Variants in UNC13B observed in about 807,000 individuals in gnomAD.
UNC13B encodes protein unc-13 homolog B.
In UNC13B, 144 loss-of-function variants were observed where a neutral mutation model predicts 211.0. That is an observed-to-expected ratio of 0.68 (90% CI 0.60 to 0.78). The LOEUF is 0.78. Among genes scored for constraint, UNC13B ranks in the 30% least tolerant of loss-of-function variants. The pLI is 0.00. For missense variants in UNC13B, 1,777 were observed against 2,002.0 expected (o/e 0.89, Z 2.14); for synonymous variants, 709 against 725.8 (o/e 0.98, Z 0.37).
intron 1 of UNC13B, among the ~76,000 whole-genome samples, chr9:35,199,658 A>G (rs1001113101): frequency 5.3e-5 from 8 of 152,144 alleles, no homozygotes; most frequent in African/African-American, 1.9e-4. Flanking sequence ...GTGTCTGTTC[A>G]TATCCTTTGC....
intron 11 of UNC13B, among the ~76,000 whole-genome samples, chr9:35,329,223 A>G (rs10972433): frequency 0.046 from 6,984 of 152,210 alleles, 389 homozygotes; most frequent in East Asian, 0.3. Context: ...GGGGTTGGAT[A>G]CCTAACCCCA....
chr9:35,394,052 A>G (rs1007714311), intron 26 of UNC13B, among the ~76,000 whole-genome samples: 5 of 152,170 alleles, frequency 3.3e-5, no homozygotes, highest in South Asian at 2.1e-4. Context: ...GATGGGGGTA[A>G]TGAGACCTAG....
chr9:35,372,124 T>C (rs1272070125), intron 13 of UNC13B, among the ~76,000 whole-genome samples: 2 of 152,120 alleles, frequency 1.3e-5, no homozygotes, highest in Non-Finnish European at 2.9e-5. Context: ...ACAAAAAAAT[T>C]AGCCAGCCGT....
In UNC13B at chr9:35,377,933, G is replaced by A. The variant is rs1220269790; in HGVS notation, c.10063+238G>A. Among the ~76,000 whole-genome samples, 4 of 151,902 alleles carry A rather than the reference G, an allele frequency of 2.6e-5. No homozygotes were observed. In the South Asian group the frequency reaches 8.3e-4, roughly 32 times the overall value. Reference sequence around the variant, plus strand: ...TACAAGGATTTGCTAACAACCTAACGCTGTAGACTTGGCTAACAGTTTGAT... The same window carrying A: ...TACAAGGATTTGCTAACAACCTAACACTGTAGACTTGGCTAACAGTTTGAT... On this transcript the variant is annotated intron_variant, in intron 16 of 39. Transcript: ENST00000635942.
At chr9:35,187,756 AGGT>A (rs989338316) in intron 1 of UNC13B, among the ~76,000 whole-genome samples, 1 of 152,138 alleles carries the variant, frequency 6.6e-6, no homozygotes, top group African/African-American at 2.4e-5. Flanking sequence ...CCTCCTCTTA[AGGT>A]CCCAAGATAA....
chr9:35,208,345 A>G (rs1459502184), intron 1 of UNC13B, among the ~76,000 whole-genome samples: 1 of 152,182 alleles, frequency 6.6e-6, no homozygotes, highest in East Asian at 1.9e-4. Flanking sequence ...ATATAATAAA[A>G]TGCAATTAGG....
intron 1 of UNC13B, among the ~76,000 whole-genome samples, chr9:35,170,768 T>A (rs956416884): frequency 1.3e-5 from 2 of 151,876 alleles, no homozygotes; most frequent in African/African-American, 4.8e-5. Context: ...CACTGTGCAT[T>A]TAAAGCAAGA....
chr9:35,303,962 G>A lies in UNC13B; in HGVS notation c.4558G>A (p.Val1520Met). ...ATGGTTGTCATGTCTTGAACATGGA[G>A]TGTGGTGGCCATCAGAGGATGGGGA... ...QEWLSCLEHG[V>M]WWPSEDGDYG... The change falls in exon 9 of 40, where the codon GTG (valine) becomes ATG (methionine). Residue 1520 changes from valine (V) to methionine (M), a missense_variant. Physicochemically the swap from Val to Met is conservative, Grantham distance 21. Transcript: ENST00000635942. 2.5e-6 allele frequency: 1 copy of A among 398,788 alleles called. No individual in the cohort carries two copies. The highest frequency in any genetic ancestry group is 4.4e-6 in the Non-Finnish European group (1 of 225,864). 24.7% of individuals were successfully genotyped at this position (398,788 alleles called of 1,614,324 possible).
intron 13 of UNC13B, 139 bp from the exon 14 acceptor site, chr9:35,374,988 C>T (rs948166663): frequency 5.2e-5 from 43 of 831,212 alleles, no homozygotes; most frequent in Non-Finnish European, 8.4e-5. Context: ...CCTGTTAGGG[C>T]GGTTGCTGTG....
In UNC13B at chr9:35,302,720, T is replaced by C. The variant is rs1311954533; in HGVS notation, c.3316T>C (p.Ser1106Pro). The C allele has an allele frequency of 7.5e-6, 3 of 398,514 alleles. No homozygotes were observed. The highest frequency in any genetic ancestry group is 1.3e-5 in the Non-Finnish European group (3 of 225,748). The allele number at this position is 398,514 out of a possible 1,614,324, so 24.7% of individuals were successfully genotyped here. ...AGATAAGAATCTTATACAAGCAGCA[T>C]CTTCAGTAGCATCAGACTCTTCATT... ...GEDKNLIQAA[S>P]SVASDSSLEC... Residue 1106 changes from serine to proline, a missense_variant, in exon 9 of 40, where the codon TCT becomes CCT. Coordinates refer to ENST00000635942, the MANE Select transcript of UNC13B (RefSeq NM_001371189.2).
intron 1 of UNC13B, among the ~76,000 whole-genome samples, chr9:35,197,318 CCA>C (rs756112918): frequency 6.6e-6 from 1 of 152,092 alleles, no homozygotes; most frequent in Non-Finnish European, 1.5e-5. Flanking sequence ...AGCAATCCTC[CCA>C]CCTCAGTCTC....
At chr9:35,212,868 G>A (rs1486438109) in intron 1 of UNC13B, among the ~76,000 whole-genome samples, 8 of 152,164 alleles carry the variant, frequency 5.3e-5, no homozygotes, top group Non-Finnish European at 1.5e-5. Context: ...TAGTGGAATA[G>A]CCTCCCACCC....
At chr9:35,217,541 A>C (rs1005618633) in intron 1 of UNC13B, among the ~76,000 whole-genome samples, 1 of 151,444 alleles carries the variant, frequency 6.6e-6, no homozygotes, top group African/African-American at 2.4e-5. Flanking sequence ...GGGGCGTGCC[A>C]CCACGTCCGG....
At chr9:35,402,227 G>GGACAAAGA (rs1836354001) in intron 37 of UNC13B, among the ~76,000 whole-genome samples, 1 of 151,978 alleles carries the variant, frequency 6.6e-6, no homozygotes, top group South Asian at 2.1e-4. Flanking sequence ...CTCCACCTCA[G>GGACAAAGA]GACAAAGAAG....
At chr9:35,183,583 C>T (rs542075423) in intron 1 of UNC13B, among the ~76,000 whole-genome samples, 171 of 141,610 alleles carry the variant, frequency 1.2e-3, no homozygotes, top group African/African-American at 4.1e-3. Flanking sequence ...CCAGGCAGGG[C>T]GGCTGGGCAG....
At chr9:35,351,888 C>T in intron 11 of UNC13B, 1 of 1,232,270 alleles carries the variant, frequency 8.1e-7, no homozygotes, top group Non-Finnish European at 1.0e-6. Flanking sequence ...CAAACCAAGA[C>T]CCTTTTGTCC....
Position 35,370,376 on chromosome 9 carries a change from C to T in UNC13B, c.9520C>T (p.Leu3174=). Residue 3174 remains leucine (L), a synonymous_variant, in exon 13 of 40, where the codon CTG becomes TTG. Coordinates refer to ENST00000635942, the MANE Select transcript of UNC13B (RefSeq NM_001371189.2). ...GCCAGATTTACGCAGAAAGAAGCCACTGCCACTTGTCAGTGATCTGGTGAG... is the reference window on the plus strand; with the variant it reads ...GCCAGATTTACGCAGAAAGAAGCCATTGCCACTTGTCAGTGATCTGGTGAG... ...SMPDLRRKKP[L]PLVSDLSLVQ... The T allele has an allele frequency of 1.2e-6, 2 of 1,613,934 alleles. No homozygotes were observed. Among genetic ancestry groups the T allele is most frequent in the Non-Finnish European group, 1.7e-6 (2 of 1,179,996 alleles).
chr9:35,356,442 A>T (rs1298820573), intron 11 of UNC13B, among the ~76,000 whole-genome samples: 2 of 151,982 alleles, frequency 1.3e-5, no homozygotes, highest in Admixed American at 1.3e-4. Flanking sequence ...ATAAAATTCA[A>T]TTCTTTTATT....
At chr9:35,240,968 T>C (rs1825770524) in intron 5 of UNC13B, among the ~76,000 whole-genome samples, 1 of 149,872 alleles carries the variant, frequency 6.7e-6, no homozygotes, top group South Asian at 2.1e-4. Flanking sequence ...GGCAGGAGAA[T>C]CACTTGAACC....
Sources: allele counts gnomAD v4.1 joint callset (sites outside exome capture counted in the v4.1 genomes callset), GRCh38; gene constraint gnomAD v4.1.1; transcripts MANE v1.5; gene names NCBI Gene and HGNC (gene_info 2026-07-23, HGNC 2026-07-21).